Variants in RBM33 observed in about 807,000 individuals in gnomAD.
RBM33 encodes the protein RNA binding motif protein 33.
In RBM33, 28 loss-of-function variants were observed where a neutral mutation model predicts 132.6. That is an observed-to-expected ratio of 0.21 (90% CI 0.16 to 0.29). The LOEUF (loss-of-function observed/expected upper bound fraction) is 0.29. Ranked by LOEUF, RBM33 falls within the 10% of genes least tolerant of loss-of-function variation. The pLI, the probability that RBM33 is intolerant of heterozygous loss-of-function variation, is 1.00. For synonymous variants in RBM33, 634 were observed against 593.0 expected (o/e 1.07, Z -1.01); for missense variants, 1,291 against 1,518.5 (o/e 0.85, Z 2.49).
chr7:155,770,613 TC>T (rs1354285442), intron 16 of RBM33, among the ~76,000 whole-genome samples: 100 of 142,202 alleles, frequency 7.0e-4, no homozygotes, highest in Non-Finnish European at 1.3e-3. Context: ...TTTTTTTTTT[TC>T]CTTTAAGTGA....
intron 1 of RBM33, among the ~76,000 whole-genome samples, chr7:155,661,132 A>G (rs575585710): frequency 4.5e-3 from 221 of 49,534 alleles, no homozygotes; most frequent in African/African-American, 0.013. Context: ...GTGTGTGTGT[A>G]TATATATATA....
rs529514530 is a variant in RBM33, at chr7:155,738,033, A to C, written c.1394-27A>C. On this transcript the variant is annotated intron_variant, in intron 10 of 17. Transcript: ENST00000401878. ...GAAGCACATGGTCTTTTTAACCTGAAGTTAATGATGTTGTGTTACCTTTCA... is the reference window on the plus strand; with the variant it reads ...GAAGCACATGGTCTTTTTAACCTGACGTTAATGATGTTGTGTTACCTTTCA... The C allele has an allele frequency of 2.5e-6, 4 of 1,581,790 alleles. No individual in the cohort carries two copies. The East Asian group carries it at 6.7e-5, about 27-fold the overall frequency.
chr7:155,673,600 A>G (rs1439817414), intron 3 of RBM33, among the ~76,000 whole-genome samples: 1 of 115,610 alleles, frequency 8.6e-6, no homozygotes, highest in Admixed American at 8.3e-5. Flanking sequence ...ATATACACAC[A>G]TATACATACA....
chr7:155,744,371 G>A (rs1483877241), intron 13 of RBM33, among the ~76,000 whole-genome samples: 1 of 152,130 alleles, frequency 6.6e-6, no homozygotes, highest in Admixed American at 6.5e-5. Context: ...TATTAAAGGC[G>A]TTCCTTATAT....
chr7:155,769,737 T>C (rs1802352972), intron 16 of RBM33, among the ~76,000 whole-genome samples: 2 of 151,848 alleles, frequency 1.3e-5, no homozygotes, highest in Non-Finnish European at 2.9e-5. Flanking sequence ...GTAGAAAATG[T>C]TGGAATCTTG....
intron 9 of RBM33, among the ~76,000 whole-genome samples, chr7:155,722,932 T>A (rs1307663802): frequency 2.6e-5 from 4 of 152,254 alleles, no homozygotes; most frequent in Non-Finnish European, 5.9e-5. Context: ...GTTGGGCTGC[T>A]GAATAATTTC....
chr7:155,750,612 C>T (rs1355460028), intron 14 of RBM33, among the ~76,000 whole-genome samples: 2 of 152,156 alleles, frequency 1.3e-5, no homozygotes, highest in African/African-American at 2.4e-5. Context: ...AACTCTCCTC[C>T]CAGGATCCTT....
At chr7:155,653,970 A>G (rs760057246) in intron 1 of RBM33, among the ~76,000 whole-genome samples, 5 of 152,206 alleles carry the variant, frequency 3.3e-5, no homozygotes, top group Non-Finnish European at 5.9e-5. Flanking sequence ...GATGATTAGT[A>G]TTAGGATTGA....
At chr7:155,725,267 A>G (rs1457112837) in intron 9 of RBM33, among the ~76,000 whole-genome samples, 1 of 148,242 alleles carries the variant, frequency 6.7e-6, no homozygotes, top group Non-Finnish European at 1.5e-5. Context: ...ATGGTTGAAA[A>G]TCAGTAATGA....
chr7:155,754,289 A>G (rs549921052), intron 14 of RBM33, among the ~76,000 whole-genome samples: 49 of 152,288 alleles, frequency 3.2e-4, no homozygotes, highest in Non-Finnish European at 1.3e-4. Context: ...GCTTTCTTCA[A>G]TGTCTTAGGT....
In RBM33 at chr7:155,779,770, C is replaced by CTCT. The variant is rs1554490604; in HGVS notation, c.*4731_*4733dup. 1 of 152,150 alleles carries CTCT rather than the reference C, an allele frequency of 6.6e-6. No individual in the cohort carries two copies. Among genetic ancestry groups the CTCT allele is most frequent in the Non-Finnish European group, 1.5e-5 (1 of 68,038 alleles). The allele number at this position is 152,150 out of a possible 1,614,324, so 9.4% of individuals were successfully genotyped here. ...AAAATGCTTTTAATGTCTCAACTCTCTCTTTTCTGTGTCATGTTTTGGTAG... is the reference window on the plus strand; with the variant it reads ...AAAATGCTTTTAATGTCTCAACTCTCTCTTCTTTTCTGTGTCATGTTTTGGTAG... On this transcript the variant is annotated 3_prime_UTR_variant, in exon 18 of 18. Coordinates refer to ENST00000401878, the MANE Select transcript of RBM33 (RefSeq NM_053043.3).
chr7:155,690,548 G>A (rs1371546862), intron 5 of RBM33, among the ~76,000 whole-genome samples: 1 of 152,148 alleles, frequency 6.6e-6, no homozygotes, highest in African/African-American at 2.4e-5. Context: ...ATTTGATGCA[G>A]TTTCTTCCTA....
chr7:155,680,534 A>G lies in RBM33; in HGVS notation c.249-56A>G, dbSNP rs1324535126. 9 of 1,204,156 alleles carry G rather than the reference A, an allele frequency of 7.5e-6. No homozygotes were observed. In the South Asian group the frequency reaches 1.3e-4, roughly 17 times the overall value. The allele number at this position is 1,204,156 out of a possible 1,614,324, so 74.6% of individuals were successfully genotyped here. On this transcript the variant is annotated intron_variant, in intron 4 of 17. Coordinates refer to ENST00000401878, the MANE Select transcript of RBM33 (RefSeq NM_053043.3). The stretch of plus-strand genomic sequence containing the variant: ...GTAACAGCTATTTATATAATGATTT[A>G]GTTTGAGCTCCTCTCTTCATTGGGT...
intron 14 of RBM33, among the ~76,000 whole-genome samples, chr7:155,755,227 A>C (rs752945488): frequency 6.6e-6 from 1 of 152,222 alleles, no homozygotes; most frequent in African/African-American, 2.4e-5. Flanking sequence ...TGGCGGTGAC[A>C]GTGAAGTATG....
At chr7:155,649,646 C>T (rs1798301611) in intron 1 of RBM33, among the ~76,000 whole-genome samples, 1 of 151,992 alleles carries the variant, frequency 6.6e-6, no homozygotes, top group African/African-American at 2.4e-5. Flanking sequence ...CTTGTTGTGG[C>T]CTTCAGTTGT....
At chr7:155,697,959 C>T (rs1799844689) in intron 5 of RBM33, among the ~76,000 whole-genome samples, 1 of 152,178 alleles carries the variant, frequency 6.6e-6, no homozygotes, top group Non-Finnish European at 1.5e-5. Context: ...TTTACATGCA[C>T]ATTTAAATGT....
At chr7:155,711,035 C>T (rs1382455168) in intron 7 of RBM33, 168 bp from the exon 8 acceptor site, 5 of 922,556 alleles carry the variant, frequency 5.4e-6, no homozygotes, top group Non-Finnish European at 7.5e-6. Context: ...CTTTATCCTG[C>T]TGTTTTGATA....
chr7:155,735,991 G>A (rs546016283), intron 9 of RBM33, among the ~76,000 whole-genome samples: 6 of 152,228 alleles, frequency 3.9e-5, no homozygotes, highest in African/African-American at 1.4e-4. Flanking sequence ...GAGATTTTCA[G>A]CTTTGGACTT....
At chr7:155,675,537 C>T (rs952145665) in intron 3 of RBM33, among the ~76,000 whole-genome samples, 2 of 152,070 alleles carry the variant, frequency 1.3e-5, no homozygotes, top group East Asian at 1.9e-4. Context: ...AGATCTCAAG[C>T]ATACACAAAA....
Sources: gnomAD v4.1 joint callset for allele counts (sites outside exome capture counted in the v4.1 genomes callset) on GRCh38, gnomAD v4.1.1 for gene constraint, MANE v1.5 for transcripts, NCBI Gene and HGNC (gene_info 2026-07-23, HGNC 2026-07-21) for gene names.